ACADM: variants seen among roughly 807,000 people sequenced by gnomAD.
The protein encoded by ACADM is acyl-CoA dehydrogenase medium chain.
A neutral mutation model predicts 58.9 loss-of-function variants in ACADM; 49 were observed. The observed-to-expected ratio is 0.83, with a 90% CI of 0.66 to 1.06. The LOEUF is 1.06. ACADM is among the 50% of genes least tolerant of loss of function. The pLI is 0.00. For synonymous variants in ACADM, 160 were observed against 157.7 expected (o/e 1.01, Z -0.11); for missense variants, 496 against 507.0 (o/e 0.98, Z 0.21).
At chr1:75,738,045 C>A (rs1329773684) in intron 6 of ACADM, among the ~76,000 whole-genome samples, 1 of 151,414 alleles carries the variant, frequency 6.6e-6, no homozygotes, top group Non-Finnish European at 1.5e-5. Context: ...GCCTCCCAAG[C>A]AGCTGGGACT....
chr1:75,728,486 T>C lies in ACADM; in HGVS notation c.116T>C (p.Phe39Ser). ...RQREPGLGFS[F>S]EFTEQQKEFQ... ...CGTGAACCAGGATTAGGATTTAGTTTTGGTATATGTTCGGTTCTATCTTTT... is the reference window on the plus strand; with the variant it reads ...CGTGAACCAGGATTAGGATTTAGTTCTGGTATATGTTCGGTTCTATCTTTT... Residue 39 changes from phenylalanine (F) to serine (S), a missense_variant and splice_region_variant, in exon 2 of 12, where the codon TTT (phenylalanine) becomes TCT (serine). Physicochemically the swap from Phe to Ser is radical, Grantham distance 155. Coordinates refer to ENST00000370841, the MANE Select transcript of ACADM (RefSeq NM_000016.6). The C allele has an allele frequency of 4.4e-6, 7 of 1,608,588 alleles. No individual in the cohort carries two copies. The highest frequency in any genetic ancestry group is 6.0e-6 in the Non-Finnish European group (7 of 1,175,242).
chr1:75,759,667 T>TA (rs1648714232), intron 10 of ACADM, among the ~76,000 whole-genome samples: 1 of 147,642 alleles, frequency 6.8e-6, no homozygotes, highest in African/African-American at 2.5e-5. Context: ...TTTTTTTTTT[T>TA]TTTTTTTTTT....
chr1:75,739,241 C>T (rs573821847), intron 6 of ACADM, among the ~76,000 whole-genome samples: 3 of 152,166 alleles, frequency 2.0e-5, no homozygotes, highest in Admixed American at 1.3e-4. Flanking sequence ...TCTCAAGCCC[C>T]TTGTCTGACT....
In ACADM at chr1:75,724,825, G is replaced by A. The variant is rs760526492; in HGVS notation, c.30+8G>A. ...TTCGGGCGATGCTGCAGGGTGAGAG[G>A]GAGCCCAGCGGTGCGGTGGGGCTGG... On this transcript the variant is annotated splice_region_variant and intron_variant, in intron 1 of 11. Coordinates refer to ENST00000370841, the MANE Select transcript of ACADM (RefSeq NM_000016.6). The A allele has an allele frequency of 1.3e-6, 2 of 1,482,998 alleles. No homozygotes were observed. The highest frequency in any genetic ancestry group is 2.3e-5 in the Admixed American group (1 of 43,588). 91.9% of individuals were successfully genotyped at this position (1,482,998 alleles called of 1,614,324 possible).
At chr1:75,731,252 C>T (rs1183858246) in intron 2 of ACADM, among the ~76,000 whole-genome samples, 1 of 117,876 alleles carries the variant, frequency 8.5e-6, no homozygotes, top group Non-Finnish European at 1.6e-5. Flanking sequence ...GCACTCCAGT[C>T]TGGGCGACAG....
In ACADM at chr1:75,737,279, A is replaced by AATTATATATAT. The variant is rs1209972174; in HGVS notation, c.468+2410_468+2411insTATATATATAT. Among the ~76,000 whole-genome samples, 2 of 43,126 alleles carry AATTATATATAT rather than the reference A, an allele frequency of 4.6e-5. 1 individual carries two copies. Among genetic ancestry groups the AATTATATATAT allele is most frequent in the African/African-American group, 1.9e-4 (2 of 10,286 alleles). 28.3% of individuals were successfully genotyped at this position (43,126 alleles called of 152,430 possible). A position where few individuals can be genotyped will look rare whatever the true frequency, so the allele number is the denominator to read the frequency against. ...GAGACTGCCACCACACACACACACAAATATATATATATATATATATATATA... is the reference window on the plus strand; with the variant it reads ...GAGACTGCCACCACACACACACACAAATTATATATATATATATATATATATATATATATATA... On this transcript the variant is annotated intron_variant, in intron 6 of 11. Transcript: ENST00000370841.
rs532357652 is a variant in ACADM at position 75,740,715 on chromosome 1, A to G, written c.599+605A>G. Among the ~76,000 whole-genome samples the G allele has an allele frequency of 2.1e-3, 313 of 152,342 alleles. 2 individuals carry two copies. The highest frequency in any genetic ancestry group is 7.0e-3 in the African/African-American group (292 of 41,596). On this transcript the variant is annotated intron_variant, in intron 7 of 11. Transcript: ENST00000370841. Reference sequence around the variant, plus strand: ...TAACTGTTAAGTTCAATAAGAATCAATAGTATGAGCCTTTAAAAAGCCAAT... The same window carrying G: ...TAACTGTTAAGTTCAATAAGAATCAGTAGTATGAGCCTTTAAAAAGCCAAT...
rs376772137 is a variant in ACADM at position 75,747,988 on chromosome 1, G to A, written c.709-1431G>A. Among the ~76,000 whole-genome samples, 315 of 152,186 alleles carry A rather than the reference G, an allele frequency of 2.1e-3. 3 individuals carry two copies. The highest frequency in any genetic ancestry group is 7.1e-3 in the African/African-American group (293 of 41,526). ...TGGCTTCTTTCTAGGTCAAACTATC[G>A]TTATTATTTCTTCAAACTCAGAAGC... On this transcript the variant is annotated intron_variant, in intron 8 of 11. Coordinates refer to ENST00000370841, the MANE Select transcript of ACADM (RefSeq NM_000016.6).
chr1:75,731,145 G>A (rs923809359), intron 2 of ACADM, among the ~76,000 whole-genome samples: 1 of 151,786 alleles, frequency 6.6e-6, no homozygotes, highest in African/African-American at 2.4e-5. Context: ...CGGGCGCGGT[G>A]GCAGGCACCT....
At chr1:75,740,656 G>A (rs1277134990) in intron 7 of ACADM, among the ~76,000 whole-genome samples, 1 of 151,906 alleles carries the variant, frequency 6.6e-6, no homozygotes, top group Non-Finnish European at 1.5e-5. Context: ...AAAAACACTC[G>A]ATTATTTGTT....
intron 7 of ACADM, chr1:75,743,858 T>C (rs145065740): frequency 4.0e-5 from 56 of 1,410,520 alleles, no homozygotes; most frequent in Non-Finnish European, 5.3e-5. Context: ...ACCACCTCTT[T>C]GGTTATATCA....
intron 7 of ACADM, chr1:75,744,509 C>A: frequency 6.5e-7 from 1 of 1,531,124 alleles, no homozygotes; most frequent in Non-Finnish European, 9.0e-7. Context: ...ACAGCTTTCT[C>A]CCACCTGACA....
At position 75,732,244 on chromosome 1, in the gene ACADM, T is replaced by C. The variant is rs145061239; in HGVS notation, c.119-400T>C. Among the ~76,000 whole-genome samples, 770 of 152,344 alleles carry C rather than the reference T, an allele frequency of 5.1e-3. 2 individuals carry two copies. The highest frequency in any genetic ancestry group is 9.2e-3 in the Non-Finnish European group (626 of 68,032). On this transcript the variant is annotated intron_variant, in intron 2 of 11. Transcript: ENST00000370841. ...TGTCACTGAGTGTGTTTCATCTATT[T>C]CGTTAGATTGATTCTTGTCGTCAGG...
Position 75,746,890 on chromosome 1 carries a change from C to T in ACADM, c.708+976C>T, listed in dbSNP as rs201212071. 7.2e-5 allele frequency among the ~76,000 whole-genome samples: 11 copies of T among 152,150 alleles called. No individual in the cohort carries two copies. In the South Asian group the frequency reaches 1.7e-3, roughly 23 times the overall value. The stretch of plus-strand genomic sequence containing the variant: ...CTGGGATTACAGGCATGAGCCACTG[C>T]GCCCAACCAAAGTCCCAAAGTTAGA... On this transcript the variant is annotated intron_variant, in intron 8 of 11. Transcript: ENST00000370841.
chr1:75,752,845 A>T (rs1570896767), intron 10 of ACADM, among the ~76,000 whole-genome samples: 2 of 152,288 alleles, frequency 1.3e-5, no homozygotes, highest in East Asian at 1.9e-4. Flanking sequence ...ACTTACCTGC[A>T]GGAAGTACTC....
At position 75,762,919 on chromosome 1, in the gene ACADM, C is replaced by T; in HGVS notation, c.*156C>T. The T allele has an allele frequency of 1.7e-6, 1 of 571,916 alleles. No homozygotes were observed. The allele number at this position is 571,916 out of a possible 1,614,324, so 35.4% of individuals were successfully genotyped here. A position where few individuals can be genotyped will look rare whatever the true frequency, so the allele number is the denominator to read the frequency against. On this transcript the variant is annotated 3_prime_UTR_variant, in exon 12 of 12. Transcript: ENST00000370841. The stretch of plus-strand genomic sequence containing the variant: ...TATAGTAGTTTATACTTTTGCTTAA[C>T]TCTGTTATGTCTCTTAAGCAGGTTT...
At chr1:75,751,317 G>A (rs1338495560) in intron 10 of ACADM, among the ~76,000 whole-genome samples, 1 of 151,586 alleles carries the variant, frequency 6.6e-6, no homozygotes, top group African/African-American at 2.4e-5. Flanking sequence ...TCCAGCCTGG[G>A]CGACAGAGTG....
Position 75,760,650 on chromosome 1 carries a change from C to T in ACADM, c.946-472C>T, listed in dbSNP as rs571002112. ...TCAACATTCTTCAGAAGTGCAAAGA[C>T]GTAAAAGATAAGGAAGGATTGAGGA... On this transcript the variant is annotated intron_variant, in intron 10 of 11. Transcript: ENST00000370841. Among the ~76,000 whole-genome samples the T allele has an allele frequency of 1.1e-4, 16 of 142,574 alleles. No individual in the cohort carries two copies. In the South Asian group the frequency reaches 1.8e-3, roughly 16 times the overall value. 93.5% of individuals were successfully genotyped at this position (142,574 alleles called of 152,430 possible).
chr1:75,761,095 C>T, intron 10 of ACADM, 27 bp from the exon 11 acceptor site: 2 of 1,603,352 alleles, frequency 1.2e-6, no homozygotes, highest in Non-Finnish European at 1.7e-6. Context: ...AATAAATATC[C>T]TTTAATTTTT....
Sources: allele counts gnomAD v4.1 joint callset (sites outside exome capture counted in the v4.1 genomes callset), GRCh38; gene constraint gnomAD v4.1.1; transcripts MANE v1.5; gene names NCBI Gene and HGNC (gene_info 2026-07-23, HGNC 2026-07-21).